Variants in NSMCE2 observed in about 807,000 individuals in gnomAD.
NSMCE2 encodes E3 SUMO-protein ligase NSE2.
Under a neutral mutation model 23.8 loss-of-function variants are expected in NSMCE2, and 24 were observed. The ratio of observed to expected loss-of-function variants is 1.01; its 90% confidence interval spans 0.73 to 1.42. The LOEUF is 1.42. Among genes scored for constraint, NSMCE2 ranks in the 40% most tolerant of loss-of-function variants. The pLI is 0.00. For synonymous variants in NSMCE2, 92 were observed against 94.1 expected (o/e 0.98, Z 0.13); for missense variants, 284 against 296.5 (o/e 0.96, Z 0.31).
intron 5 of NSMCE2, among the ~76,000 whole-genome samples, chr8:125,204,309 G>T (rs1824013495): frequency 6.6e-6 from 1 of 152,198 alleles, no homozygotes; most frequent in Non-Finnish European, 1.5e-5. Flanking sequence ...TGTTGGAGGT[G>T]TTCCCAGACT....
chr8:125,273,629 A>G (rs995856288), intron 5 of NSMCE2, among the ~76,000 whole-genome samples: 1 of 152,210 alleles, frequency 6.6e-6, no homozygotes. Flanking sequence ...TGAGGTTGCA[A>G]CTGGCTTTTA....
At position 125,298,451 on chromosome 8, in the gene NSMCE2, A is replaced by G. The variant is rs143635873; in HGVS notation, c.419-58768A>G. Among the ~76,000 whole-genome samples, 335 of 152,294 alleles carry G rather than the reference A, an allele frequency of 2.2e-3. 1 individual carries two copies. The highest frequency in any genetic ancestry group is 7.4e-3 in the African/African-American group (306 of 41,574). On this transcript the variant is annotated intron_variant, in intron 5 of 7. Coordinates refer to ENST00000287437, the MANE Select transcript of NSMCE2 (RefSeq NM_173685.4). Reference sequence around the variant, plus strand: ...CACCCAGCCAGTAAACGTGAGATCCAGCGTTTGCAGTCAAGCAGATTGCCT... The same window carrying G: ...CACCCAGCCAGTAAACGTGAGATCCGGCGTTTGCAGTCAAGCAGATTGCCT...
intron 5 of NSMCE2, among the ~76,000 whole-genome samples, chr8:125,257,905 A>G (rs780760604): frequency 5.9e-5 from 9 of 152,206 alleles, no homozygotes; most frequent in Non-Finnish European, 1.0e-4. Context: ...CAGCCAAGGC[A>G]ATGAAGAGTA....
At position 125,361,314 on chromosome 8, in the gene NSMCE2, C is replaced by T. The variant is rs140160236; in HGVS notation, c.626+3496C>T. Among the ~76,000 whole-genome samples, 569 of 152,264 alleles carry T rather than the reference C, an allele frequency of 3.7e-3. 5 individuals carry two copies. The highest frequency in any genetic ancestry group is 5.0e-3 in the Admixed American group (77 of 15,290). ...AACTCCTGGCCTCAAGTGATCTGCC[C>T]ACCTTGGCCTCCCAACCTTATGATT... On this transcript the variant is annotated intron_variant, in intron 7 of 7. Coordinates refer to ENST00000287437, the MANE Select transcript of NSMCE2 (RefSeq NM_173685.4).
At position 125,239,715 on chromosome 8, in the gene NSMCE2, ATAAT is replaced by A. The variant is rs551870109; in HGVS notation, c.418+57466_418+57469del. Among the ~76,000 whole-genome samples, 1,463 of 152,308 alleles carry A rather than the reference ATAAT, an allele frequency of 9.6e-3. 16 individuals carry two copies. Among genetic ancestry groups the A allele is most frequent in the Non-Finnish European group, 0.014 (967 of 68,026 alleles). ...AAAATCATACCACTTCCTTCAATAAATAATTAATTAGAGGCTGAACATAACATTT... is the reference window on the plus strand; with the variant it reads ...AAAATCATACCACTTCCTTCAATAAATAATTAGAGGCTGAACATAACATTT... On this transcript the variant is annotated intron_variant, in intron 5 of 7. Transcript: ENST00000287437.
intron 5 of NSMCE2, among the ~76,000 whole-genome samples, chr8:125,223,852 C>T (rs142046363): frequency 3.0e-3 from 425 of 142,296 alleles, no homozygotes; most frequent in African/African-American, 0.01. Flanking sequence ...TGCGCTGTCA[C>T]GCAGGCTGGA....
At chr8:125,319,446 A>G (rs760184985) in intron 5 of NSMCE2, among the ~76,000 whole-genome samples, 7 of 152,192 alleles carry the variant, frequency 4.6e-5, no homozygotes, top group Non-Finnish European at 8.8e-5. Flanking sequence ...CATTAAAACA[A>G]TTATTGTGAT....
chr8:125,293,099 C>T, intron 5 of NSMCE2, among the ~76,000 whole-genome samples: 1 of 152,192 alleles, frequency 6.6e-6, no homozygotes, highest in East Asian at 1.9e-4. Flanking sequence ...AGGGATTCTG[C>T]AAATTTAATT....
intron 5 of NSMCE2, among the ~76,000 whole-genome samples, chr8:125,205,749 AAGG>A (rs1824092092): frequency 6.6e-6 from 1 of 152,196 alleles, no homozygotes. Flanking sequence ...GGAGGACCTG[AAGG>A]AGCAGAGGGT....
At chr8:125,114,708 AGCC>A (rs1818912441) in intron 3 of NSMCE2, among the ~76,000 whole-genome samples, 2 of 152,362 alleles carry the variant, frequency 1.3e-5, no homozygotes, top group East Asian at 3.9e-4. Context: ...AGAACTGTGC[AGCC>A]TAAGCTGTCA....
chr8:125,224,491 T>A (rs1334288876), intron 5 of NSMCE2, among the ~76,000 whole-genome samples: 1 of 152,240 alleles, frequency 6.6e-6, no homozygotes, highest in Non-Finnish European at 1.5e-5. Context: ...ATATTGTGAG[T>A]TAACAGTCTA....
intron 5 of NSMCE2, among the ~76,000 whole-genome samples, chr8:125,208,657 T>A (rs9297712): frequency 0.49 from 74,506 of 152,128 alleles, 22,712 homozygotes; most frequent in African/African-American, 0.87. Flanking sequence ...AGCGTAAGTG[T>A]TTCATACAAT....
chr8:125,346,409 T>C (rs895239115), intron 5 of NSMCE2, among the ~76,000 whole-genome samples: 3 of 152,230 alleles, frequency 2.0e-5, no homozygotes, highest in Non-Finnish European at 2.9e-5. Flanking sequence ...CAGGTGGTAC[T>C]TACAACTCTC....
chr8:125,301,652 A>ATTTTTT (rs67825410), intron 5 of NSMCE2, among the ~76,000 whole-genome samples: 2 of 110,668 alleles, frequency 1.8e-5, no homozygotes, highest in Non-Finnish European at 3.8e-5. Context: ...CATACAAGCC[A>ATTTTTT]TTTTTTTTTT....
chr8:125,344,615 C>T (rs1830368135), intron 5 of NSMCE2, among the ~76,000 whole-genome samples: 1 of 151,906 alleles, frequency 6.6e-6, no homozygotes. Flanking sequence ...TGGTGGCATG[C>T]ACCTGTAATC....
At chr8:125,223,035 C>A in intron 5 of NSMCE2, among the ~76,000 whole-genome samples, 1 of 151,542 alleles carries the variant, frequency 6.6e-6, no homozygotes, top group East Asian at 1.9e-4. Flanking sequence ...GCACTCCAGC[C>A]TGGGCAACAG....
intron 5 of NSMCE2, among the ~76,000 whole-genome samples, chr8:125,251,627 C>T (rs1387819559): frequency 2.0e-5 from 3 of 152,078 alleles, no homozygotes; most frequent in Non-Finnish European, 4.4e-5. Flanking sequence ...CAGAAGATCT[C>T]AATAATAGCA....
chr8:125,102,264 T>A (rs1477831015), intron 2 of NSMCE2, 53 bp from the exon 3 acceptor site: 23 of 1,160,748 alleles, frequency 2.0e-5, no homozygotes, highest in Non-Finnish European at 3.0e-5. Flanking sequence ...TATTTTCCTG[T>A]GCAGTTATTA....
intron 5 of NSMCE2, among the ~76,000 whole-genome samples, chr8:125,344,963 A>C (rs1374206085): frequency 6.6e-6 from 1 of 151,576 alleles, no homozygotes; most frequent in African/African-American, 2.4e-5. Flanking sequence ...TACTTCTCCA[A>C]TGTTTCTCTA....
Sources: allele counts gnomAD v4.1 joint callset (sites outside exome capture counted in the v4.1 genomes callset), GRCh38; gene constraint gnomAD v4.1.1; transcripts MANE v1.5; gene names NCBI Gene and HGNC (gene_info 2026-07-23, HGNC 2026-07-21).